The following GPAT3 variants were observed in gnomAD, a reference collection of about 807,000 sequenced individuals.
The protein encoded by GPAT3 is glycerol-3-phosphate acyltransferase 3, also known as 1-AGP acyltransferase 9.
GPAT3 carries 53 observed loss-of-function variants against 58.8 expected under a neutral mutation model. The observed-to-expected ratio is 0.90, with a 90% CI of 0.72 to 1.13. GPAT3 has a LOEUF of 1.13. GPAT3 is among the 50% of genes most tolerant of loss of function. GPAT3 has a pLI of 0.00. For synonymous variants in GPAT3, 197 were observed against 187.4 expected (o/e 1.05, Z -0.42); for missense variants, 511 against 527.6 (o/e 0.97, Z 0.31).
At position 83,578,985 on chromosome 4, in the gene GPAT3, T is replaced by TTTCTTTCC. The variant is rs1560620736; in HGVS notation, c.209-2574_209-2573insTTTCCTTC. ...CTTTCTTTCTTTCTTTCTTTCTTTC[T>TTTCTTTCC]TTCCTTCCTTCCTTCCTTCCTTCCT... On this transcript the variant is annotated intron_variant, in intron 2 of 11. Transcript: ENST00000264409. Among the ~76,000 whole-genome samples the TTTCTTTCC allele has an allele frequency of 3.1e-4, 41 of 131,862 alleles. 2 individuals carry two copies. Among genetic ancestry groups the TTTCTTTCC allele is most frequent in the Middle Eastern group, 3.6e-3 (1 of 274 alleles). The allele number at this position is 131,862 out of a possible 152,430, so 86.5% of individuals were successfully genotyped here. A position where few individuals can be genotyped will look rare whatever the true frequency, so the allele number is the denominator to read the frequency against.
chr4:83,572,943 G>T (rs955586824), intron 2 of GPAT3, among the ~76,000 whole-genome samples: 1 of 152,126 alleles, frequency 6.6e-6, no homozygotes, highest in Non-Finnish European at 1.5e-5. Context: ...GTTATTGTGA[G>T]AAAAGGTGGC....
At chr4:83,535,649 A>T, upstream of GPAT3, 4 of 951,710 alleles carry the variant, frequency 4.2e-6, no homozygotes, top group Non-Finnish European at 5.0e-6. Flanking sequence ...TGCCAGGGAG[A>T]TGGCGGCTCA....
At chr4:83,544,806 A>G (rs1206684307) in intron 2 of GPAT3, among the ~76,000 whole-genome samples, 1 of 151,880 alleles carries the variant, frequency 6.6e-6, no homozygotes, top group African/African-American at 2.4e-5. Flanking sequence ...GCTCATCTAT[A>G]TGTTCTTATA....
chr4:83,551,813 A>AAAATCTATCTCTCTATCTATCT (rs768726930), intron 2 of GPAT3, among the ~76,000 whole-genome samples: 1 of 102,400 alleles, frequency 9.8e-6, no homozygotes, highest in Non-Finnish European at 1.8e-5. Flanking sequence ...AAAAAAAAAA[A>AAAATCTATCTCTCTATCTATCT]ATCTATCTAT....
chr4:83,578,187 G>C (rs1008137642), intron 2 of GPAT3, among the ~76,000 whole-genome samples: 1 of 152,152 alleles, frequency 6.6e-6, no homozygotes, highest in Non-Finnish European at 1.5e-5. Context: ...ACTCTTTTAT[G>C]AATTGCTTGC....
intron 2 of GPAT3, among the ~76,000 whole-genome samples, chr4:83,561,749 G>C (rs147968896): frequency 2.0e-5 from 3 of 151,434 alleles, no homozygotes; most frequent in Admixed American, 2.0e-4. Context: ...TAAAAAACAG[G>C]CATTTTGTAA....
chr4:83,581,622 A>T lies in GPAT3; in HGVS notation c.269A>T (p.Asp90Val). ...GGGCTCTCTGGTCTACGAGGAAGGG[A>T]CTTTGAGCTGTCTGACGTGTTTTAT... ...EKGLSGLRGR[D>V]FELSDVFYFS... The change falls in exon 3 of 12, where the codon GAC becomes GTC. Residue 90 changes from aspartate to valine, a missense_variant. Transcript: ENST00000264409. 6.2e-7 allele frequency: 1 copy of T among 1,614,116 alleles called. No individual in the cohort carries two copies. The highest frequency in any genetic ancestry group is 8.5e-7 in the Non-Finnish European group (1 of 1,180,004).
intron 2 of GPAT3, among the ~76,000 whole-genome samples, chr4:83,554,002 A>G (rs1724855471): frequency 6.6e-6 from 1 of 152,090 alleles, no homozygotes; most frequent in Non-Finnish European, 1.5e-5. Flanking sequence ...TTATTTATTT[A>G]TTTAGGGAGA....
At chr4:83,588,173 C>T in intron 4 of GPAT3, 37 bp from the exon 5 acceptor site, 2 of 1,584,566 alleles carry the variant, frequency 1.3e-6, no homozygotes, top group Non-Finnish European at 1.7e-6. Flanking sequence ...TTAAGAGTGC[C>T]CAGAATGGCA....
At position 83,596,846 on chromosome 4, in the gene GPAT3, T is replaced by C; in HGVS notation, c.855-12T>C. On this transcript the variant is annotated splice_polypyrimidine_tract_variant and intron_variant, in intron 7 of 11. Coordinates refer to ENST00000264409, the MANE Select transcript of GPAT3 (RefSeq NM_032717.5). ...TATAAAGGCAGAATTTTGATCCTTT[T>C]TTTTTCCATAGACTAAAAGAACATA... 6.2e-7 allele frequency: 1 copy of C among 1,605,298 alleles called. No homozygotes were observed. Among genetic ancestry groups the C allele is most frequent in the Non-Finnish European group, 8.5e-7 (1 of 1,174,930 alleles).
At chr4:83,565,558 G>C (rs1276163415) in intron 2 of GPAT3, among the ~76,000 whole-genome samples, 1 of 151,648 alleles carries the variant, frequency 6.6e-6, no homozygotes, top group Non-Finnish European at 1.5e-5. Context: ...GAGTGCAGTG[G>C]TGCGCTCTCG....
intron 2 of GPAT3, among the ~76,000 whole-genome samples, chr4:83,579,350 T>C (rs539337378): frequency 1.5e-5 from 2 of 130,368 alleles, no homozygotes; most frequent in East Asian, 2.7e-4. Context: ...TGGAGTGCAA[T>C]GGCATGATCA....
At position 83,583,538 on chromosome 4, in the gene GPAT3, C is replaced by T. The variant is rs998391563; in HGVS notation, c.479+1706C>T. Among the ~76,000 whole-genome samples the T allele has an allele frequency of 4.0e-5, 6 of 150,938 alleles. No homozygotes were observed. In the South Asian group the frequency reaches 8.4e-4, roughly 21 times the overall value. ...CAAAAATTAGCCAGGTGTGGTGATACGCACTTGTAGTCCCAGCTACTTGGG... is the reference window on the plus strand; with the variant it reads ...CAAAAATTAGCCAGGTGTGGTGATATGCACTTGTAGTCCCAGCTACTTGGG... On this transcript the variant is annotated intron_variant, in intron 3 of 11. Coordinates refer to ENST00000264409, the MANE Select transcript of GPAT3 (RefSeq NM_032717.5).
chr4:83,595,957 A>T (rs1487006801), intron 7 of GPAT3, among the ~76,000 whole-genome samples: 1 of 152,206 alleles, frequency 6.6e-6, no homozygotes, highest in Non-Finnish European at 1.5e-5. Flanking sequence ...TCTTGAGATC[A>T]TTTGGCAGTG....
intron 2 of GPAT3, among the ~76,000 whole-genome samples, chr4:83,547,749 C>G (rs1724597453): frequency 6.6e-6 from 1 of 151,730 alleles, no homozygotes; most frequent in Non-Finnish European, 1.5e-5. Flanking sequence ...TCTGCTGTGT[C>G]TTTTATTTAA....
intron 8 of GPAT3, 118 bp from the exon 9 acceptor site, chr4:83,597,312 C>G (rs577114344): frequency 1.8e-6 from 1 of 559,256 alleles, no homozygotes; most frequent in Admixed American, 3.9e-5. Flanking sequence ...TATGGTAGTA[C>G]GATGCCTGTA....
intron 3 of GPAT3, among the ~76,000 whole-genome samples, chr4:83,583,391 G>C (rs558769220): frequency 6.6e-6 from 1 of 151,302 alleles, no homozygotes; most frequent in Non-Finnish European, 1.5e-5. Context: ...AAAAAGCCCA[G>C]GGGCATGGTG....
At chr4:83,587,578 C>G (rs1455945493) in intron 4 of GPAT3, among the ~76,000 whole-genome samples, 1 of 152,136 alleles carries the variant, frequency 6.6e-6, no homozygotes, top group East Asian at 1.9e-4. Flanking sequence ...AGTCACCCAC[C>G]ACCATGCCCA....
At chr4:83,540,155 TA>T (rs58697347) in intron 1 of GPAT3, among the ~76,000 whole-genome samples, 2,751 of 94,294 alleles carry the variant, frequency 0.029, 78 homozygotes, top group African/African-American at 0.076. Context: ...AGACTCCATC[TA>T]AAAAAAAAAA....
Sources: allele counts gnomAD v4.1 joint callset (sites outside exome capture counted in the v4.1 genomes callset), GRCh38; gene constraint gnomAD v4.1.1; transcripts MANE v1.5; gene names NCBI Gene and HGNC (gene_info 2026-07-23, HGNC 2026-07-21).